The following THUMPD1 variants were observed in gnomAD, a reference collection of about 807,000 sequenced individuals.
THUMPD1 encodes the protein THUMP domain-containing protein 1.
In THUMPD1, 31 loss-of-function variants were observed where a neutral mutation model predicts 31.6. The observed-to-expected ratio is 0.98, with a 90% CI of 0.74 to 1.32. The LOEUF is 1.32. Among genes scored for constraint, THUMPD1 ranks in the 40% most tolerant of loss-of-function variants. The probability of loss-of-function intolerance (pLI) is 0.00; values close to 1 mark genes in which losing one functional copy is unlikely to be tolerated. For synonymous variants in THUMPD1, 166 were observed against 158.2 expected, an observed-to-expected ratio of 1.05 and a Z score of -0.37; for missense variants, 446 against 427.8, an observed-to-expected ratio of 1.04 and a Z score of -0.38.
At position 20,741,808 on chromosome 16, in the gene THUMPD1, C is replaced by T; in HGVS notation, c.-69G>A. 6 of 1,543,378 alleles carry T rather than the reference C, an allele frequency of 3.9e-6. No individual in the cohort carries two copies. Among genetic ancestry groups the T allele is most frequent in the Non-Finnish European group, 5.2e-6 (6 of 1,146,812 alleles). ...TGTTGGCGTCCTCGTCTATCGCCGG[C>T]GCGAACTGGTGACGTCGGATATGAG... On this transcript the variant is annotated 5_prime_UTR_variant, in exon 1 of 4. Transcript: ENST00000396083.
chr16:20,739,597 G>C (rs1328652886), intron 1 of THUMPD1, among the ~76,000 whole-genome samples: 10 of 152,042 alleles, frequency 6.6e-5, no homozygotes, highest in Non-Finnish European at 1.5e-5. Flanking sequence ...GAGGCAAGCA[G>C]ATCACCTGAG....
intron 2 of THUMPD1, among the ~76,000 whole-genome samples, chr16:20,738,519 A>G (rs948225232): frequency 1.3e-5 from 2 of 152,164 alleles, no homozygotes; most frequent in African/African-American, 4.8e-5. Flanking sequence ...TTAGTTGACC[A>G]CACTGAAAAA....
At chr16:20,738,312 A>G in intron 2 of THUMPD1, 1 of 280,202 alleles carries the variant, frequency 3.6e-6, no homozygotes, top group Non-Finnish European at 7.2e-6. Flanking sequence ...CTTTTTTACA[A>G]AAAAAAAAAA....
At chr16:20,741,313 C>T (rs1255145779) in intron 1 of THUMPD1, among the ~76,000 whole-genome samples, 196 bp downstream of exon 1, 1 of 152,202 alleles carries the variant, frequency 6.6e-6, no homozygotes, top group Non-Finnish European at 1.5e-5. Flanking sequence ...GCAAGCACTT[C>T]AAGCACAAAA....
chr16:20,741,481 G>GGGGGGGGGCCCCCCCCCCCCCCCC, intron 1 of THUMPD1, 28 bp downstream of exon 1: 1 of 1,308,412 alleles, frequency 7.6e-7, no homozygotes, highest in Non-Finnish European at 9.9e-7. Flanking sequence ...CTGGCAGCCG[G>GGGGGGGGGCCCCCCCCCCCCCCCC]CCCGCCCGCC....
rs1350296578 is a variant in THUMPD1 at position 20,735,381 on chromosome 16, T to G, written c.*1499A>C. On this transcript the variant is annotated 3_prime_UTR_variant, in exon 4 of 4. Transcript: ENST00000396083. The stretch of plus-strand genomic sequence containing the variant: ...TCCAGGTTTTTGTTTTGGGTGTTTT[T>G]TTTTTTTTTTAACATTTTTGCATAA... The G allele has an allele frequency of 1.3e-5, 2 of 151,904 alleles. No individual in the cohort carries two copies. The highest frequency in any genetic ancestry group is 3.9e-4 in the East Asian group (2 of 5,172). 9.4% of individuals were successfully genotyped at this position (151,904 alleles called of 1,614,324 possible).
At chr16:20,739,687 G>A (rs1261735561) in intron 1 of THUMPD1, among the ~76,000 whole-genome samples, 2 of 151,960 alleles carry the variant, frequency 1.3e-5, no homozygotes, top group African/African-American at 4.8e-5. Flanking sequence ...CCGATGTGGT[G>A]GCAGACGCCT....
intron 1 of THUMPD1, 43 bp from the exon 2 acceptor site, chr16:20,739,114 A>C (rs764891719): frequency 6.3e-7 from 1 of 1,584,494 alleles, no homozygotes; most frequent in South Asian, 1.1e-5. Flanking sequence ...ACAACAGCTC[A>C]CATTTAAACA....
chr16:20,741,727 C>T lies in THUMPD1; in HGVS notation c.13G>A (p.Ala5Thr). The T allele has an allele frequency of 6.4e-7, 1 of 1,571,972 alleles. No individual in the cohort carries two copies. The highest frequency in any genetic ancestry group is 8.6e-7 in the Non-Finnish European group (1 of 1,158,304). The change falls in exon 1 of 4, where the codon GCC becomes ACC. Residue 5 changes from alanine (A) to threonine (T), a missense_variant. Ala to Thr is a moderately conservative substitution (Grantham distance 58). Coordinates refer to ENST00000396083, the MANE Select transcript of THUMPD1 (RefSeq NM_017736.5). MAAP[A>T]QQTTQPGGGK... is the part of the protein sequence containing the mutation. ...CCGCCAGGCTGAGTAGTCTGCTGGGCAGGGGCCGCCATGGTGTGCGCAAAC... is the reference window on the plus strand; with the variant it reads ...CCGCCAGGCTGAGTAGTCTGCTGGGTAGGGGCCGCCATGGTGTGCGCAAAC...
At chr16:20,741,280 G>A (rs1359060541) in intron 1 of THUMPD1, among the ~76,000 whole-genome samples, 1 of 152,202 alleles carries the variant, frequency 6.6e-6, no homozygotes, top group Non-Finnish European at 1.5e-5. Context: ...GAGCTACCGT[G>A]GTTACTGATG....
chr16:20,737,066 C>G lies in THUMPD1; in HGVS notation c.876G>C (p.Ala292=), dbSNP rs146200863. The part of the protein sequence containing the change: ...GNGKEAKLES[A]DKSDQNNTAE... ...CTGTGTTGTTTTGGTCTGATTTGTC[C>G]GCAGATTCCAGTTTAGCTTCTTTCC... is the stretch of plus-strand genomic sequence containing the variant. Residue 292 remains alanine (A), a synonymous_variant, in exon 4 of 4, where the codon GCG becomes GCC. Transcript: ENST00000396083. The G allele has an allele frequency of 1.9e-6, 3 of 1,614,080 alleles. No homozygotes were observed. Among genetic ancestry groups the G allele is most frequent in the East Asian group, 2.2e-5 (1 of 44,886 alleles).
At chr16:20,740,833 T>TTAG (rs1179457655) in intron 1 of THUMPD1, among the ~76,000 whole-genome samples, 5 of 152,232 alleles carry the variant, frequency 3.3e-5, no homozygotes, top group Admixed American at 1.3e-4. Context: ...GTAACTAGCA[T>TTAG]TAGTAGTAAA....
chr16:20,738,040 C>A, intron 2 of THUMPD1, 84 bp from the exon 3 acceptor site: 1 of 1,230,878 alleles, frequency 8.1e-7, no homozygotes, highest in Non-Finnish European at 1.1e-6. Flanking sequence ...CTGGCAATGA[C>A]ATAAGTTGAC....
chr16:20,739,036 C>G lies in THUMPD1; in HGVS notation c.267G>C (p.Glu89Asp). The G allele has an allele frequency of 6.2e-7, 1 of 1,614,216 alleles. No homozygotes were observed. The stretch of plus-strand genomic sequence containing the variant: ...CAGCCTCCGCATCATCATCCTCTCC[C>G]TCACTTCCAGAGGGCTGCTGATCCT... ...TDKDQQPSGSEGEDDDAEAAL... is the reference protein window; with the variant it reads ...TDKDQQPSGSDGEDDDAEAAL... The change falls in exon 2 of 4, where the codon GAG becomes GAC. Residue 89 changes from glutamate to aspartate, a missense_variant. Coordinates refer to ENST00000396083, the MANE Select transcript of THUMPD1 (RefSeq NM_017736.5).
intron 1 of THUMPD1, 45 bp downstream of exon 1, chr16:20,741,464 G>C: frequency 2.0e-6 from 3 of 1,472,990 alleles, no homozygotes; most frequent in Non-Finnish European, 2.7e-6. Context: ...CCCTCCTCCC[G>C]CAAGGCCTGG....
Position 20,737,869 on chromosome 16 carries a change from A to C in THUMPD1, c.494T>G (p.Ile165Ser). ...KTRVILRMLP[I>S]SGTCKAFLED... ...TAAAAAAGCCTTGCATGTGCCTGAGATGGGTAACATTCGCAAAATAACTCG... is the reference window on the plus strand; with the variant it reads ...TAAAAAAGCCTTGCATGTGCCTGAGCTGGGTAACATTCGCAAAATAACTCG... Residue 165 changes from isoleucine to serine, a missense_variant, in exon 3 of 4, where the codon ATC (isoleucine) becomes AGC (serine). By Grantham distance (142) the Ile-to-Ser change is moderately radical. Coordinates refer to ENST00000396083, the MANE Select transcript of THUMPD1 (RefSeq NM_017736.5). 1 of 1,613,916 alleles carries C rather than the reference A, an allele frequency of 6.2e-7. No individual in the cohort carries two copies. The highest frequency in any genetic ancestry group is 8.5e-7 in the Non-Finnish European group (1 of 1,179,910).
chr16:20,739,492 CTTT>C (rs756683881), intron 1 of THUMPD1, among the ~76,000 whole-genome samples: 1 of 152,004 alleles, frequency 6.6e-6, no homozygotes, highest in Non-Finnish European at 1.5e-5. Context: ...GATAATAAAG[CTTT>C]TTTTACGAAG....
chr16:20,739,502 G>A (rs573187467), intron 1 of THUMPD1, among the ~76,000 whole-genome samples: 1 of 152,046 alleles, frequency 6.6e-6, no homozygotes, highest in South Asian at 2.1e-4. Flanking sequence ...CTTTTTTTAC[G>A]AAGCTGGGAC....
Position 20,736,761 on chromosome 16 carries a change from G to A in THUMPD1, c.*119C>T. The stretch of plus-strand genomic sequence containing the variant: ...GCGCAATCATTGCTCACTACTGTGA[G>A]AACAGCATAATGCAGCACACAAATA... On this transcript the variant is annotated 3_prime_UTR_variant, in exon 4 of 4. Coordinates refer to ENST00000396083, the MANE Select transcript of THUMPD1 (RefSeq NM_017736.5). 2 of 999,666 alleles carry A rather than the reference G, an allele frequency of 2.0e-6. No homozygotes were observed. Among genetic ancestry groups the A allele is most frequent in the South Asian group, 3.3e-5 (2 of 60,626 alleles). 61.9% of individuals were successfully genotyped at this position (999,666 alleles called of 1,614,324 possible). A position where few individuals can be genotyped will look rare whatever the true frequency, so the allele number is the denominator to read the frequency against.
Sources: allele counts gnomAD v4.1 joint callset (sites outside exome capture counted in the v4.1 genomes callset), GRCh38; gene constraint gnomAD v4.1.1; transcripts MANE v1.5; gene names NCBI Gene and HGNC (gene_info 2026-07-23, HGNC 2026-07-21).